Variants in PPP1R15A observed in about 807,000 individuals in gnomAD.
The protein encoded by PPP1R15A is protein phosphatase 1 regulatory subunit 15A.
In PPP1R15A, 43 loss-of-function variants were observed where a neutral mutation model predicts 48.5. That is an observed-to-expected ratio of 0.89 (90% CI 0.69 to 1.14). The LOEUF (loss-of-function observed/expected upper bound fraction) is 1.14. PPP1R15A is among the 50% of genes most tolerant of loss of function. PPP1R15A has a pLI of 0.00. For synonymous variants in PPP1R15A, 327 were observed against 327.4 expected, an observed-to-expected ratio of 1.00 and a Z score of 0.01; for missense variants, 868 against 847.2, an observed-to-expected ratio of 1.02 and a Z score of -0.30.
Position 48,874,242 on chromosome 19 carries a change from G to A in PPP1R15A, c.1009G>A (p.Ala337Thr), listed in dbSNP as rs1433435636. The A allele has an allele frequency of 1.2e-6, 2 of 1,614,024 alleles. No homozygotes were observed. The highest frequency in any genetic ancestry group is 2.7e-5 in the African/African-American group (2 of 74,910). The change falls in exon 2 of 3, where the codon GCC becomes ACC. Residue 337 changes from alanine (A) to threonine (T), a missense_variant. Coordinates refer to ENST00000200453, the MANE Select transcript of PPP1R15A (RefSeq NM_014330.5). ...TCCTCCCTGCATCCCCCCACCAAGT[G>A]CCTTCCTGAAGGCCTGGGTGTATTG... is the stretch of plus-strand genomic sequence containing the variant. ...ECPPCIPPPS[A>T]FLKAWVYWPG...
In PPP1R15A at chr19:48,875,617, C is replaced by T. The variant is rs778047173; in HGVS notation, c.1669C>T (p.Arg557Cys). 5.0e-6 allele frequency: 8 copies of T among 1,588,022 alleles called. No individual in the cohort carries two copies. The highest frequency in any genetic ancestry group is 1.7e-4 in the Middle Eastern group (1 of 5,950). Residue 557 changes from arginine (R) to cysteine (C), a missense_variant, in exon 3 of 3, where the codon CGC becomes TGC. Coordinates refer to ENST00000200453, the MANE Select transcript of PPP1R15A (RefSeq NM_014330.5). ...GTGTCCCCATGTCTGCCCGCAGGTG[C>T]GCTTCTCCGAGAAGGTCACTGTCCA... ...PETPLKARKVRFSEKVTVHFL... is the reference protein window; with the variant it reads ...PETPLKARKVCFSEKVTVHFL...
Position 48,873,566 on chromosome 19 carries a change from G to GGAT in PPP1R15A, c.344_346dup (p.Asp115dup). 6.2e-7 allele frequency: 1 copy of GGAT among 1,614,188 alleles called. No individual in the cohort carries two copies. Among genetic ancestry groups the GGAT allele is most frequent in the South Asian group, 1.1e-5 (1 of 91,088 alleles). On this transcript the variant is annotated inframe_insertion, in exon 2 of 3. Transcript: ENST00000200453. ...CCCTTCCTGAAGCCTGGGGACTTTT[G>GGAT]GATGATGATGATGGCATGTATGGTG...
intron 2 of PPP1R15A, chr19:48,875,290 C>T: frequency 2.6e-6 from 1 of 383,702 alleles, no homozygotes. Context: ...ACTTCTGGGT[C>T]CCTGTATGTT....
rs1167210980 is a variant in PPP1R15A, at chr19:48,875,725, G to C, written c.1777G>C (p.Ala593Pro). The C allele has an allele frequency of 6.2e-7, 1 of 1,612,940 alleles. No homozygotes were observed. The highest frequency in any genetic ancestry group is 8.5e-7 in the Non-Finnish European group (1 of 1,179,508). The change falls in exon 3 of 3, where the codon GCA becomes CCA. Residue 593 changes from alanine (A) to proline (P), a missense_variant. Ala to Pro is a conservative substitution (Grantham distance 27). Coordinates refer to ENST00000200453, the MANE Select transcript of PPP1R15A (RefSeq NM_014330.5). ...EQLARDRSRF[A>P]RRITQAQEEL... The stretch of plus-strand genomic sequence containing the variant: ...GCTTGCTCGGGATCGCAGCCGCTTC[G>C]CACGCCGCATCACCCAGGCCCAGGA...
At position 48,874,437 on chromosome 19, in the gene PPP1R15A, G is replaced by A. The variant is rs758780762; in HGVS notation, c.1204G>A (p.Asp402Asn). The change falls in exon 2 of 3, where the codon GAT (aspartate) becomes AAT (asparagine). Residue 402 changes from aspartate to asparagine, a missense_variant. Physicochemically the swap from Asp to Asn is conservative, Grantham distance 23 (BLOSUM62 1). Transcript: ENST00000200453. ...AGGAGAGGACACAGAGGAGGAGGAAGATGAGGACAGTGATACAGGATCAGC... is the reference window on the plus strand; with the variant it reads ...AGGAGAGGACACAGAGGAGGAGGAAAATGAGGACAGTGATACAGGATCAGC... ...QPGEDTEEEEDEDSDTGSAED... is the reference protein window; with the variant it reads ...QPGEDTEEEENEDSDTGSAED... 6.2e-6 allele frequency: 10 copies of A among 1,614,132 alleles called. No homozygotes were observed. The highest frequency in any genetic ancestry group is 8.5e-6 in the Non-Finnish European group (10 of 1,180,020).
At position 48,874,107 on chromosome 19, in the gene PPP1R15A, G is replaced by T. The variant is rs547124401; in HGVS notation, c.874G>T (p.Ala292Ser). The change falls in exon 2 of 3, where the codon GCC (alanine) becomes TCC (serine). Residue 292 changes from alanine to serine, a missense_variant. Coordinates refer to ENST00000200453, the MANE Select transcript of PPP1R15A (RefSeq NM_014330.5). ...GEAAPGPQSS[A>S]PAQRPQLKSW... ...AGCTGCCCCAGGGCCGCAATCCTCA[G>T]CCCCAGCCCAGAGGCCCCAGCTCAA... is the stretch of plus-strand genomic sequence containing the variant. 3 of 1,614,184 alleles carry T rather than the reference G, an allele frequency of 1.9e-6. No homozygotes were observed. The highest frequency in any genetic ancestry group is 2.5e-6 in the Non-Finnish European group (3 of 1,180,034).
chr19:48,874,821 C>T lies in PPP1R15A; in HGVS notation c.1588C>T (p.Arg530Ter), dbSNP rs112209279. ...PPWAPPRLPL[R>*]LQRRLKRPET... The stretch of plus-strand genomic sequence containing the variant: ...CTGGGCTCCTCCTAGGCTGCCCCTC[C>T]GACTGCAAAGGCGGCTCAAGCGCCC... Residue 530 changes from arginine to a stop codon, truncating the protein, a stop_gained, in exon 2 of 3, where the codon CGA becomes TGA. Transcript: ENST00000200453. LOFTEE classifies it high-confidence loss of function. The T allele has an allele frequency of 1.3e-5, 21 of 1,613,384 alleles. No individual in the cohort carries two copies. The highest frequency in any genetic ancestry group is 2.7e-5 in the African/African-American group (2 of 75,014).
chr19:48,875,119 G>A (rs887783269), intron 2 of PPP1R15A: 40 of 496,440 alleles, frequency 8.1e-5, no homozygotes, highest in Non-Finnish European at 1.2e-4. Context: ...TAGTAGAGAC[G>A]GGGGTTTTGC....
At chr19:48,875,238 C>T (rs1215118009) in intron 2 of PPP1R15A, 17 of 331,756 alleles carry the variant, frequency 5.1e-5, no homozygotes, top group Non-Finnish European at 8.3e-5. Context: ...GCTGAGAGCC[C>T]AGATTCTTGA....
chr19:48,875,883 G>T lies in PPP1R15A; in HGVS notation c.1935G>T (p.Gln645His), dbSNP rs1237734545. Reference sequence around the variant, plus strand: ...CCTCTGTCCCTTCGTCCCCAGTCCAGACCACGCCCTTGAGCCAAGCTGTGG... The same window carrying T: ...CCTCTGTCCCTTCGTCCCCAGTCCATACCACGCCCTTGAGCCAAGCTGTGG... Reference protein sequence around the residue: ...PSSSVPSSPVQTTPLSQAVAT... With the variant: ...PSSSVPSSPVHTTPLSQAVAT... The change falls in exon 3 of 3, where the codon CAG becomes CAT. Residue 645 changes from glutamine to histidine, a missense_variant. Transcript: ENST00000200453. 6.2e-7 allele frequency: 1 copy of T among 1,614,150 alleles called. No individual in the cohort carries two copies. The highest frequency in any genetic ancestry group is 1.7e-5 in the Admixed American group (1 of 60,012).
rs532963227 is a variant in PPP1R15A at position 48,872,471 on chromosome 19, G to A, written c.-190G>A. 1.6e-4 allele frequency: 71 copies of A among 456,458 alleles called. No individual in the cohort carries two copies. The highest frequency in any genetic ancestry group is 3.1e-4 in the Non-Finnish European group (70 of 226,778). The allele number at this position is 456,458 out of a possible 1,614,324, so 28.3% of individuals were successfully genotyped here. ...GTTGATCTTATGCAAGACGCTGCAC[G>A]ACCCCGCGCCCGCTTGTCGCCACGG... On this transcript the variant is annotated 5_prime_UTR_variant, in exon 1 of 3. Transcript: ENST00000200453.
chr19:48,875,053 AG>A, intron 2 of PPP1R15A, 155 bp downstream of exon 2: 2 of 915,946 alleles, frequency 2.2e-6, no homozygotes, highest in Non-Finnish European at 3.1e-6. Context: ...CAGCCTCCAG[AG>A]TATCTGGGAT....
At position 48,874,210 on chromosome 19, in the gene PPP1R15A, C is replaced by T. The variant is rs2037048611; in HGVS notation, c.977C>T (p.Ala326Val). 6.2e-7 allele frequency: 1 copy of T among 1,614,100 alleles called. No individual in the cohort carries two copies. The highest frequency in any genetic ancestry group is 1.7e-5 in the Admixed American group (1 of 59,994). ...GGGGCAGCTGAGAAGGATGGAGAAG[C>T]TGAGTGTCCTCCCTGCATCCCCCCA... ...ALGAAEKDGE[A>V]ECPPCIPPPS... Residue 326 changes from alanine to valine, a missense_variant, in exon 2 of 3, where the codon GCT (alanine) becomes GTT (valine). By Grantham distance (64) the Ala-to-Val change is moderately conservative. Coordinates refer to ENST00000200453, the MANE Select transcript of PPP1R15A (RefSeq NM_014330.5).
Position 48,874,333 on chromosome 19 carries a change from A to G in PPP1R15A, c.1100A>G (p.Asp367Gly). Residue 367 changes from aspartate (D) to glycine (G), a missense_variant, in exon 2 of 3, where the codon GAT becomes GGT. Transcript: ENST00000200453. ...GATGAGGACAGTGACTCTGGATCAG[A>G]TGAGGAAGAGGGAGAAGCTGAGGCT... is the stretch of plus-strand genomic sequence containing the variant. ...EEDEDSDSGS[D>G]EEEGEAEASS... is the part of the protein sequence containing the mutation. The G allele has an allele frequency of 6.2e-7, 1 of 1,613,022 alleles. No homozygotes were observed. The highest frequency in any genetic ancestry group is 1.7e-5 in the Admixed American group (1 of 59,898).
Position 48,875,708 on chromosome 19 carries a change from G to A in PPP1R15A, c.1760G>A (p.Arg587Gln), listed in dbSNP as rs556876971. 20 of 1,612,472 alleles carry A rather than the reference G, an allele frequency of 1.2e-5. No homozygotes were observed. Among genetic ancestry groups the A allele is most frequent in the African/African-American group, 1.1e-4 (8 of 74,978 alleles). ...CAGGGCCCCTGGGAGCAGCTTGCTC[G>A]GGATCGCAGCCGCTTCGCACGCCGC... ...ARQGPWEQLA[R>Q]DRSRFARRIT... Residue 587 changes from arginine to glutamine, a missense_variant, in exon 3 of 3, where the codon CGG becomes CAG. Coordinates refer to ENST00000200453, the MANE Select transcript of PPP1R15A (RefSeq NM_014330.5).
rs138912909 is a variant in PPP1R15A at position 48,874,016 on chromosome 19, G to A, written c.783G>A (p.Glu261=). 4.4e-4 allele frequency: 712 copies of A among 1,614,056 alleles called. 3 individuals carry two copies. Among genetic ancestry groups the A allele is most frequent in the Non-Finnish European group, 5.8e-4 (681 of 1,180,040 alleles). ...RSSGSDPRSW[E]YRSGEASEEK... Reference sequence around the variant, plus strand: ...CAGGCTCCGACCCCAGGTCCTGGGAGTATCGTTCAGGAGAGGCGTCCGAGG... The same window carrying A: ...CAGGCTCCGACCCCAGGTCCTGGGAATATCGTTCAGGAGAGGCGTCCGAGG... Residue 261 remains glutamate, a synonymous_variant, in exon 2 of 3, where the codon GAG becomes GAA. Transcript: ENST00000200453.
chr19:48,874,861 A>G lies in PPP1R15A; in HGVS notation c.1628A>G (p.His543Arg), dbSNP rs750885937. 1.4e-5 allele frequency: 22 copies of G among 1,604,082 alleles called. No homozygotes were observed. The highest frequency in any genetic ancestry group is 4.2e-6 in the Non-Finnish European group (5 of 1,177,252). ...RRLKRPETPTHDPDPETPLKA... is the reference protein window; with the variant it reads ...RRLKRPETPTRDPDPETPLKA... Reference sequence around the variant, plus strand: ...CTCAAGCGCCCAGAAACCCCTACTCATGATCCGGACCCTGAGACTCCCCTA... The same window carrying G: ...CTCAAGCGCCCAGAAACCCCTACTCGTGATCCGGACCCTGAGACTCCCCTA... The change falls in exon 2 of 3, where the codon CAT becomes CGT. Residue 543 changes from histidine to arginine, a missense_variant. By Grantham distance (29) the His-to-Arg change is conservative (BLOSUM62 0). Transcript: ENST00000200453.
In PPP1R15A at chr19:48,873,441, A is replaced by G; in HGVS notation, c.208A>G (p.Ile70Val). Residue 70 changes from isoleucine to valine, a missense_variant, in exon 2 of 3, where the codon ATC (isoleucine) becomes GTC (valine). Transcript: ENST00000200453. ...GGGAGAAGCTAGGACTCCTCTGGCA[A>G]TCCCCCATACCCCTTGGGGCAGACG... ...LEGEARTPLA[I>V]PHTPWGRRPE... is the part of the protein sequence containing the mutation. 1 of 1,613,064 alleles carries G rather than the reference A, an allele frequency of 6.2e-7. No homozygotes were observed. Among genetic ancestry groups the G allele is most frequent in the Non-Finnish European group, 8.5e-7 (1 of 1,179,516 alleles).
intron 2 of PPP1R15A, chr19:48,875,293 T>G: frequency 5.2e-6 from 2 of 384,860 alleles, no homozygotes; most frequent in East Asian, 4.4e-5. Context: ...TCTGGGTCCC[T>G]GTATGTTGCA....
Sources: allele counts gnomAD v4.1 joint callset, GRCh38; gene constraint gnomAD v4.1.1; transcripts MANE v1.5; gene names NCBI Gene and HGNC (gene_info 2026-07-23, HGNC 2026-07-21).